Variants in PRKCA observed in about 807,000 individuals in gnomAD.
PRKCA encodes protein kinase C alpha type.
Under a neutral mutation model 87.0 loss-of-function variants are expected in PRKCA, and 27 were observed. The ratio of observed to expected loss-of-function variants is 0.31; its 90% CI spans 0.23 to 0.43. PRKCA has a LOEUF of 0.43. PRKCA is among the 20% of genes least tolerant of loss of function. The probability of loss-of-function intolerance (pLI) is 1.00; values close to 1 mark genes in which losing one functional copy is unlikely to be tolerated. For synonymous variants in PRKCA, 329 were observed against 311.1 expected, an observed-to-expected ratio of 1.06 and a Z score of -0.61; for missense variants, 518 against 852.3, an observed-to-expected ratio of 0.61 and a Z score of 4.88.
chr17:66,446,954 G>T (rs1359108528), intron 2 of PRKCA, among the ~76,000 whole-genome samples: 2 of 152,174 alleles, frequency 1.3e-5, no homozygotes, highest in South Asian at 2.1e-4. Flanking sequence ...GTCACCCAGC[G>T]ATTTCTAAAG....
intron 3 of PRKCA, among the ~76,000 whole-genome samples, chr17:66,619,436 C>T (rs1012533404): frequency 7.2e-5 from 11 of 152,200 alleles, no homozygotes; most frequent in African/African-American, 1.4e-4. Flanking sequence ...GCCATCTACA[C>T]GGGGCTGTTG....
At chr17:66,582,454 T>C (rs1204673015) in intron 3 of PRKCA, among the ~76,000 whole-genome samples, 1 of 152,176 alleles carries the variant, frequency 6.6e-6, no homozygotes, top group East Asian at 1.9e-4. Flanking sequence ...CCCCATGCTG[T>C]TCTCATGGTA....
chr17:66,745,369 G>A (rs954895414), intron 13 of PRKCA, among the ~76,000 whole-genome samples: 2 of 152,146 alleles, frequency 1.3e-5, no homozygotes, highest in Non-Finnish European at 2.9e-5. Context: ...ATTGTCTACC[G>A]TGTGCCAGGC....
In PRKCA at chr17:66,638,109, A is replaced by AT. The variant is rs1567947111; in HGVS notation, c.289-3246_289-3245insT. Among the ~76,000 whole-genome samples the AT allele has an allele frequency of 2.9e-4, 44 of 149,766 alleles. No homozygotes were observed. The East Asian group carries it at 7.4e-3, about 25-fold the overall frequency. On this transcript the variant is annotated intron_variant, in intron 3 of 16. Transcript: ENST00000413366. ...AAATAGGTGGTGGACTTGTTTCTAA[A>AT]ATATATATATATATATGTGTGTGTG... is the stretch of plus-strand genomic sequence containing the variant.
At position 66,751,415 on chromosome 17, in the gene PRKCA, G is replaced by A. The variant is rs575672296; in HGVS notation, c.1524+8655G>A. 5.9e-5 allele frequency among the ~76,000 whole-genome samples: 9 copies of A among 152,234 alleles called. No homozygotes were observed. The East Asian group carries it at 1.2e-3, about 20-fold the overall frequency. ...AGGCTGGCGCCCTGATGCCATCCAC[G>A]GCCAGTTGCCACCTCAGTGTATCAC... On this transcript the variant is annotated intron_variant, in intron 13 of 16. Transcript: ENST00000413366.
chr17:66,638,017 C>T (rs550702483), intron 3 of PRKCA, among the ~76,000 whole-genome samples: 1 of 152,084 alleles, frequency 6.6e-6, no homozygotes, highest in South Asian at 2.1e-4. Flanking sequence ...TCAACTCTGC[C>T]ATTATAGCCA....
intron 2 of PRKCA, among the ~76,000 whole-genome samples, chr17:66,466,418 G>A (rs1232096650): frequency 1.3e-5 from 2 of 152,152 alleles, no homozygotes; most frequent in Non-Finnish European, 2.9e-5. Context: ...CGGGCCTTGG[G>A]AAGCCCTTTC....
At chr17:66,338,756 A>G (rs952414586) in intron 2 of PRKCA, among the ~76,000 whole-genome samples, 3 of 152,204 alleles carry the variant, frequency 2.0e-5, no homozygotes, top group African/African-American at 7.2e-5. Context: ...ACCAACCAAT[A>G]AGATGTTTTT....
At chr17:66,621,724 C>G (rs1019825892) in intron 3 of PRKCA, among the ~76,000 whole-genome samples, 2 of 151,986 alleles carry the variant, frequency 1.3e-5, no homozygotes, top group Non-Finnish European at 2.9e-5. Context: ...GAATGGCAAG[C>G]AAAAGTAAGA....
At chr17:66,493,442 C>T (rs1201219718) in intron 2 of PRKCA, among the ~76,000 whole-genome samples, 4 of 151,900 alleles carry the variant, frequency 2.6e-5, no homozygotes, top group Admixed American at 6.6e-5. Context: ...GATGAAAGGA[C>T]GGGGGGCTGT....
Position 66,305,997 on chromosome 17 carries a change from A to G in PRKCA, c.174-99A>G, listed in dbSNP as rs140581790. On this transcript the variant is annotated intron_variant, in intron 1 of 16. Transcript: ENST00000413366. ...ATTAAATCATTGGGTTTCACATACA[A>G]ACCTTTAGTGGTAGAGTACTTGGTC... The G allele has an allele frequency of 9.5e-5, 103 of 1,088,266 alleles. 1 individual carries two copies. The African/African-American group carries it at 1.2e-3, about 13-fold the overall frequency. 67.4% of individuals were successfully genotyped at this position (1,088,266 alleles called of 1,614,324 possible).
At chr17:66,727,427 G>T (rs1020894728) in intron 8 of PRKCA, among the ~76,000 whole-genome samples, 3 of 152,020 alleles carry the variant, frequency 2.0e-5, no homozygotes, top group Non-Finnish European at 4.4e-5. Flanking sequence ...TGGAACGGCC[G>T]TGGCACTGGT....
At chr17:66,350,946 G>A (rs536193203) in intron 2 of PRKCA, among the ~76,000 whole-genome samples, 12 of 152,112 alleles carry the variant, frequency 7.9e-5, no homozygotes, top group East Asian at 7.7e-4. Flanking sequence ...AACTCGCAGC[G>A]TTCTTTCTCT....
At chr17:66,706,452 G>C (rs1973193775) in intron 8 of PRKCA, among the ~76,000 whole-genome samples, 1 of 150,406 alleles carries the variant, frequency 6.6e-6, no homozygotes, top group Non-Finnish European at 1.5e-5. Flanking sequence ...TGGCTAACAC[G>C]GTGAAACCCC....
rs879722559 is a variant in PRKCA at position 66,428,506 on chromosome 17, CT to C, written c.206-67680del. ...AAGTTAAGCTGAAAAATTTTTCTTTCTTTTTTTTTTTTTTTGAGATAGAATC... is the reference window on the plus strand; with the variant it reads ...AAGTTAAGCTGAAAAATTTTTCTTTCTTTTTTTTTTTTTTGAGATAGAATC... On this transcript the variant is annotated intron_variant, in intron 2 of 16. Transcript: ENST00000413366. Among the ~76,000 whole-genome samples, 908 of 140,024 alleles carry C rather than the reference CT, an allele frequency of 6.5e-3. 5 individuals are homozygous for C. The highest frequency in any genetic ancestry group is 0.014 in the African/African-American group (542 of 38,450). 91.9% of individuals were successfully genotyped at this position (140,024 alleles called of 152,430 possible). A position where few individuals can be genotyped will look rare whatever the true frequency, so the allele number is the denominator to read the frequency against.
chr17:66,388,060 G>A (rs545488422), intron 2 of PRKCA, among the ~76,000 whole-genome samples: 130 of 152,216 alleles, frequency 8.5e-4, no homozygotes, highest in Middle Eastern at 3.4e-3. Context: ...ATAGCAGAGC[G>A]GAAAACCTAT....
At chr17:66,660,071 T>G (rs1971850674) in intron 5 of PRKCA, among the ~76,000 whole-genome samples, 1 of 152,008 alleles carries the variant, frequency 6.6e-6, no homozygotes, top group Non-Finnish European at 1.5e-5. Flanking sequence ...ATCTTCTGAT[T>G]TGTGATTAGT....
intron 2 of PRKCA, among the ~76,000 whole-genome samples, chr17:66,485,341 G>A (rs893436631): frequency 3.3e-5 from 5 of 152,162 alleles, no homozygotes; most frequent in Non-Finnish European, 5.9e-5. Context: ...ATTGCTTCTC[G>A]CAGTTTTCAG....
chr17:66,704,598 G>A (rs1417484463), intron 8 of PRKCA, among the ~76,000 whole-genome samples: 3 of 152,188 alleles, frequency 2.0e-5, no homozygotes, highest in Non-Finnish European at 4.4e-5. Context: ...GAAGATATAA[G>A]CCAAAAGAAA....
Sources: allele counts gnomAD v4.1 joint callset (sites outside exome capture counted in the v4.1 genomes callset), GRCh38; gene constraint gnomAD v4.1.1; transcripts MANE v1.5; gene names NCBI Gene and HGNC (gene_info 2026-07-23, HGNC 2026-07-21).